CRB1: variants seen among roughly 807,000 people sequenced by gnomAD.
CRB1 encodes protein crumbs homolog 1.
In CRB1, 83 loss-of-function variants were observed where a neutral mutation model predicts 120.0. That is an observed-to-expected ratio of 0.69 (90% confidence interval 0.58 to 0.83). The LOEUF is 0.83. CRB1 is among the 40% of genes least tolerant of loss of function. CRB1 has a pLI of 0.00. For synonymous variants in CRB1, 625 were observed against 612.5 expected (o/e 1.02, Z -0.30); for missense variants, 1,699 against 1,687.6 (o/e 1.01, Z -0.12).
chr1:197,307,850 C>T (rs1657262185), intron 1 of CRB1, among the ~76,000 whole-genome samples: 1 of 152,166 alleles, frequency 6.6e-6, no homozygotes, highest in African/African-American at 2.4e-5. Context: ...CTCCCTGGTC[C>T]TTCCACTTAC....
chr1:197,256,294 T>G, the CRB1 span, among the ~76,000 whole-genome samples: 3 of 151,976 alleles, frequency 2.0e-5, no homozygotes, highest in East Asian at 5.8e-4. Flanking sequence ...GTCTTGTTCT[T>G]TTAGATTTAC....
chr1:197,435,670 C>A, intron 9 of CRB1, 58 bp downstream of exon 9: 1 of 1,455,204 alleles, frequency 6.9e-7, no homozygotes, highest in Non-Finnish European at 9.5e-7. Context: ...CATCACTGTT[C>A]TTGTCAAATT....
intron 1 of CRB1, among the ~76,000 whole-genome samples, chr1:197,291,133 C>G (rs1280049004): frequency 6.6e-6 from 1 of 151,718 alleles, no homozygotes; most frequent in Non-Finnish European, 1.5e-5. Flanking sequence ...AGGATGATGA[C>G]ATTTTAAAAC....
At chr1:197,314,241 T>C (rs565728220) in intron 1 of CRB1, among the ~76,000 whole-genome samples, 2 of 152,364 alleles carry the variant, frequency 1.3e-5, no homozygotes, top group African/African-American at 4.8e-5. Flanking sequence ...CTTCAGATTA[T>C]GTAATTTCTG....
intron 2 of CRB1, among the ~76,000 whole-genome samples, chr1:197,334,410 G>A (rs1659030612): frequency 1.3e-5 from 2 of 152,160 alleles, no homozygotes; most frequent in South Asian, 2.1e-4. Context: ...GTATTGGGAG[G>A]TGGGAACTAA....
At chr1:197,305,521 A>G (rs1446496154) in intron 1 of CRB1, among the ~76,000 whole-genome samples, 1 of 151,828 alleles carries the variant, frequency 6.6e-6, no homozygotes, top group Non-Finnish European at 1.5e-5. Context: ...AATATGAAAA[A>G]ATATTATTTA....
At chr1:197,463,156 T>C (rs536280401) in intron 11 of CRB1, among the ~76,000 whole-genome samples, 1 of 152,294 alleles carries the variant, frequency 6.6e-6, no homozygotes, top group South Asian at 2.1e-4. Context: ...ACTGGGATGT[T>C]AAAAGCATAG....
At chr1:197,438,944 T>C (rs1388834190) in intron 10 of CRB1, 2 of 362,132 alleles carry the variant, frequency 5.5e-6, no homozygotes, top group Non-Finnish European at 1.1e-5. Flanking sequence ...TTATAAGTAC[T>C]TCTGAATTCA....
chr1:197,427,388 C>T, intron 6 of CRB1, 66 bp from the exon 7 acceptor site: 3 of 1,473,746 alleles, frequency 2.0e-6, no homozygotes, highest in Non-Finnish European at 2.8e-6. Context: ...TCTTCCATCC[C>T]TTCTGTCTTT....
Position 197,329,020 on chromosome 1 carries a change from C to G in CRB1, c.652+17C>G, listed in dbSNP as rs779288558. 89 of 1,580,020 alleles carry G rather than the reference C, an allele frequency of 5.6e-5. No homozygotes were observed. The highest frequency in any genetic ancestry group is 4.5e-4 in the East Asian group (20 of 44,774). On this transcript the variant is annotated intron_variant, in intron 2 of 11. Transcript: ENST00000367400. ...ATTATTCTGGTAAGTGTGATCATAT[C>G]TGAATCACAGATGGTGTAGTTAGCT...
rs143207412 is a variant in CRB1 at position 197,413,313 on chromosome 1, T to C, written c.1172-7687T>C. Among the ~76,000 whole-genome samples the C allele has an allele frequency of 4.7e-3, 710 of 152,304 alleles. 9 individuals carry two copies. The highest frequency in any genetic ancestry group is 0.016 in the African/African-American group (663 of 41,560). On this transcript the variant is annotated intron_variant, in intron 5 of 11. Coordinates refer to ENST00000367400, the MANE Select transcript of CRB1 (RefSeq NM_201253.3). ...TGTAGAAGGAGTGGAGCATAACTGG[T>C]CTTTCATAGAGGCTGGAATTTCTCT...
chr1:197,343,050 TTTTA>T (rs1159126607), intron 2 of CRB1, among the ~76,000 whole-genome samples: 1 of 152,194 alleles, frequency 6.6e-6, no homozygotes, highest in Non-Finnish European at 1.5e-5. Flanking sequence ...ATTTAGAGTT[TTTTA>T]TTTTTTAAAA....
chr1:197,348,180 T>C (rs1380779618), intron 4 of CRB1, among the ~76,000 whole-genome samples: 2 of 152,200 alleles, frequency 1.3e-5, no homozygotes, highest in Non-Finnish European at 2.9e-5. Context: ...AGTGATGTCA[T>C]GGCTGTCTTA....
chr1:197,428,997 A>C, intron 7 of CRB1: 2 of 1,529,480 alleles, frequency 1.3e-6, no homozygotes, highest in Non-Finnish European at 1.8e-6. Flanking sequence ...TGGGAAGGGC[A>C]CTCACTGAGT....
chr1:197,268,416 G>A lies in CRB1; in HGVS notation c.4G>A (p.Ala2Thr), dbSNP rs1203732030. 5.6e-6 allele frequency: 9 copies of A among 1,608,362 alleles called. No homozygotes were observed. The highest frequency in any genetic ancestry group is 2.2e-5 in the East Asian group (1 of 44,868). Reference protein sequence around the residue: MALKNINYLLIF... With the variant: MTLKNINYLLIF... ...AGGATGTTCTCTAAATAAGACCATG[G>A]CACTTAAGAACATTAACTACCTTCT... Residue 2 changes from alanine (A) to threonine (T), a missense_variant, in exon 1 of 12, where the codon GCA becomes ACA. Transcript: ENST00000367400.
At chr1:197,453,363 CATAATTAAATTATAT>C (rs1244837120) in intron 11 of CRB1, among the ~76,000 whole-genome samples, 15 of 145,424 alleles carry the variant, frequency 1.0e-4, no homozygotes, top group African/African-American at 3.0e-4. Context: ...AATTAATATA[CATAATTAAATTATAT>C]ATAATTAAAT....
At position 197,366,918 on chromosome 1, in the gene CRB1, C is replaced by CA. The variant is rs66828477; in HGVS notation, c.1171+9914dup. On this transcript the variant is annotated intron_variant, in intron 5 of 11. Coordinates refer to ENST00000367400, the MANE Select transcript of CRB1 (RefSeq NM_201253.3). ...ATTCTCTAATTCTCCAAAATCATTT[C>CA]AAAAAAAAATTTGGCAAAATATGCT... 4.5e-3 allele frequency among the ~76,000 whole-genome samples: 686 copies of CA among 151,422 alleles called. 12 individuals carry two copies. The highest frequency in any genetic ancestry group is 0.034 in the East Asian group (176 of 5,174).
chr1:197,307,388 A>G (rs999975016), intron 1 of CRB1, among the ~76,000 whole-genome samples: 2 of 152,214 alleles, frequency 1.3e-5, no homozygotes, highest in Non-Finnish European at 2.9e-5. Flanking sequence ...AGTTTAATGA[A>G]TATTTATTAA....
At chr1:197,302,330 C>A (rs1162746554) in intron 1 of CRB1, among the ~76,000 whole-genome samples, 3 of 152,136 alleles carry the variant, frequency 2.0e-5, no homozygotes, top group Admixed American at 2.0e-4. Flanking sequence ...AGGCATAATG[C>A]AATGGTACAC....
Sources: allele counts gnomAD v4.1 joint callset (sites outside exome capture counted in the v4.1 genomes callset), GRCh38; gene constraint gnomAD v4.1.1; transcripts MANE v1.5; gene names NCBI Gene and HGNC (gene_info 2026-07-23, HGNC 2026-07-21).